The following CSMD1 variants were observed in gnomAD, a reference collection of about 807,000 sequenced individuals.
CSMD1 encodes the protein CUB and Sushi multiple domains 1, also known as CUB and sushi domain-containing protein 1.
Under a neutral mutation model 417.5 loss-of-function variants are expected in CSMD1, and 213 were observed. The ratio of observed to expected loss-of-function variants is 0.51; its 90% CI spans 0.46 to 0.57. The LOEUF is 0.57. CSMD1 is among the 20% of genes least tolerant of loss of function. CSMD1 has a pLI of 0.00. For missense variants in CSMD1, 6,923 were observed against 4,529.7 expected, an observed-to-expected ratio of 1.53 and a Z score of -15.17; for synonymous variants, 2,862 against 1,736.8, an observed-to-expected ratio of 1.65 and a Z score of -16.11.
chr8:4,241,094 T>A (rs903690745), intron 3 of CSMD1, among the ~76,000 whole-genome samples: 2 of 152,164 alleles, frequency 1.3e-5, no homozygotes, highest in African/African-American at 2.4e-5. Context: ...ATCCTCTACA[T>A]AGAATCCTCT....
chr8:4,153,743 A>C (rs1482885749), intron 3 of CSMD1, among the ~76,000 whole-genome samples: 1 of 152,216 alleles, frequency 6.6e-6, no homozygotes, highest in Non-Finnish European at 1.5e-5. Flanking sequence ...GCACGGTTTC[A>C]GTGTGGTGAC....
At chr8:4,645,583 G>A (rs377494588) in intron 1 of CSMD1, among the ~76,000 whole-genome samples, 7 of 151,846 alleles carry the variant, frequency 4.6e-5, no homozygotes, top group Admixed American at 3.9e-4. Flanking sequence ...GTTTCCACAG[G>A]TGCGGGATGA....
chr8:3,333,179 A>G (rs557009506), intron 23 of CSMD1, among the ~76,000 whole-genome samples: 1 of 152,272 alleles, frequency 6.6e-6, no homozygotes, highest in East Asian at 1.9e-4. Context: ...TGACACTCAG[A>G]TGAGACCACA....
chr8:4,116,753 C>A (rs1401063596), intron 3 of CSMD1, among the ~76,000 whole-genome samples: 1 of 151,994 alleles, frequency 6.6e-6, no homozygotes, highest in Non-Finnish European at 1.5e-5. Context: ...CGTGGAGAGG[C>A]AGGGGGTGCG....
At chr8:4,342,534 T>G (rs570812498) in intron 3 of CSMD1, among the ~76,000 whole-genome samples, 1 of 152,146 alleles carries the variant, frequency 6.6e-6, no homozygotes, top group South Asian at 2.1e-4. Context: ...ATTTTCCTGA[T>G]GTATGACATT....
chr8:3,451,631 T>C (rs924795048), intron 12 of CSMD1, among the ~76,000 whole-genome samples: 4 of 152,206 alleles, frequency 2.6e-5, no homozygotes, highest in Admixed American at 6.5e-5. Flanking sequence ...CTTGTAGATA[T>C]ATGGCATTAT....
chr8:3,749,652 G>T (rs1032451469), intron 6 of CSMD1, among the ~76,000 whole-genome samples: 2 of 152,134 alleles, frequency 1.3e-5, no homozygotes, highest in Non-Finnish European at 2.9e-5. Flanking sequence ...AGCATCATAC[G>T]CTGGAAAACA....
intron 5 of CSMD1, among the ~76,000 whole-genome samples, chr8:3,856,748 T>G (rs532614812): frequency 6.6e-6 from 1 of 152,300 alleles, no homozygotes; most frequent in South Asian, 2.1e-4. Flanking sequence ...TGTGTTTCCT[T>G]TGCCATGGTG....
At chr8:2,993,047 GAATAA>G (rs935496025) in intron 54 of CSMD1, among the ~76,000 whole-genome samples, 34 of 152,228 alleles carry the variant, frequency 2.2e-4, no homozygotes, top group African/African-American at 7.9e-4. Context: ...TTTATCTCAA[GAATAA>G]AATAAACACT....
chr8:3,829,422 A>G (rs4270991), intron 5 of CSMD1, among the ~76,000 whole-genome samples: 48,728 of 151,982 alleles, frequency 0.32, 8,429 homozygotes, highest in East Asian at 0.57. Flanking sequence ...GAATGAGATA[A>G]GTCAATACCG....
intron 3 of CSMD1, among the ~76,000 whole-genome samples, chr8:4,220,420 G>A (rs144355152): frequency 7.2e-5 from 11 of 152,250 alleles, no homozygotes; most frequent in African/African-American, 2.6e-4. Flanking sequence ...AGCAGTATGC[G>A]ACGTCCATGG....
intron 2 of CSMD1, among the ~76,000 whole-genome samples, chr8:4,514,505 G>A (rs1393603980): frequency 5.9e-5 from 9 of 152,136 alleles, no homozygotes; most frequent in Non-Finnish European, 1.3e-4. Flanking sequence ...GGGAATCAAC[G>A]AAGAGGGAAC....
At chr8:3,741,543 C>G (rs1796804232) in intron 6 of CSMD1, among the ~76,000 whole-genome samples, 1 of 152,194 alleles carries the variant, frequency 6.6e-6, no homozygotes, top group African/African-American at 2.4e-5. Flanking sequence ...ACATTTATTT[C>G]TATCCATTTA....
intron 10 of CSMD1, among the ~76,000 whole-genome samples, chr8:3,501,146 T>C (rs1335919036): frequency 6.6e-6 from 1 of 152,328 alleles, no homozygotes; most frequent in South Asian, 2.1e-4. Flanking sequence ...TCCATTCAAA[T>C]AGAGAGACCA....
In CSMD1 at chr8:4,261,988, G is replaced by C. The variant is rs150247780; in HGVS notation, c.415+157965C>G. Among the ~76,000 whole-genome samples, 870 of 152,126 alleles carry C rather than the reference G, an allele frequency of 5.7e-3. 8 individuals are homozygous for C. Among genetic ancestry groups the C allele is most frequent in the African/African-American group, 0.02 (834 of 41,488 alleles). On this transcript the variant is annotated intron_variant, in intron 3 of 69. Coordinates refer to ENST00000635120, the MANE Select transcript of CSMD1 (RefSeq NM_033225.6). ...AAAACCTGAAGTCTGTCATTTCCTG[G>C]GAATGAGTGAAATTCTGAGACTGCT...
intron 41 of CSMD1, among the ~76,000 whole-genome samples, chr8:3,138,838 G>A (rs966719191): frequency 3.6e-4 from 55 of 152,182 alleles, no homozygotes; most frequent in African/African-American, 1.1e-3. Flanking sequence ...GATGTTGAAC[G>A]ATTTCCTGAA....
chr8:3,289,098 T>C (rs1441898016), intron 25 of CSMD1, among the ~76,000 whole-genome samples: 2 of 147,366 alleles, frequency 1.4e-5, no homozygotes, highest in East Asian at 2.0e-4. Flanking sequence ...GTCCTTGAGA[T>C]AGTTTGCTGA....
intron 3 of CSMD1, among the ~76,000 whole-genome samples, chr8:4,041,649 C>A (rs546830697): frequency 1.6e-4 from 24 of 152,148 alleles, no homozygotes; most frequent in African/African-American, 5.8e-4. Flanking sequence ...AAGAAGAAAA[C>A]TCAATCAATG....
At chr8:4,362,923 A>T (rs907757229) in intron 3 of CSMD1, among the ~76,000 whole-genome samples, 1 of 152,218 alleles carries the variant, frequency 6.6e-6, no homozygotes, top group African/African-American at 2.4e-5. Context: ...ATTATTTCTT[A>T]AACTGTTAGG....
Sources: allele counts gnomAD v4.1 joint callset (sites outside exome capture counted in the v4.1 genomes callset), GRCh38; gene constraint gnomAD v4.1.1; transcripts MANE v1.5; gene names NCBI Gene and HGNC (gene_info 2026-07-23, HGNC 2026-07-21).